ADAMTS2: variants seen among roughly 807,000 people sequenced by gnomAD.
ADAMTS2 encodes A disintegrin and metalloproteinase with thrombospondin motifs 2.
In ADAMTS2, 50 loss-of-function variants were observed where a neutral mutation model predicts 123.0. The ratio of observed to expected loss-of-function variants is 0.41; its 90% CI spans 0.32 to 0.51. The LOEUF (loss-of-function observed/expected upper bound fraction) is 0.51. Ranked by LOEUF, ADAMTS2 falls within the 20% of genes least tolerant of loss-of-function variation. ADAMTS2 has a pLI of 0.35. For missense variants in ADAMTS2, 1,494 were observed against 1,705.2 expected (o/e 0.88, Z 2.18); for synonymous variants, 678 against 695.4 (o/e 0.98, Z 0.39).
At chr5:179,140,626 T>G (rs540683914) in intron 10 of ADAMTS2, among the ~76,000 whole-genome samples, 1 of 152,168 alleles carries the variant, frequency 6.6e-6, no homozygotes. Flanking sequence ...AGAAGAAGAT[T>G]GCAAAATTAA....
intron 3 of ADAMTS2, among the ~76,000 whole-genome samples, chr5:179,257,735 C>G (rs1370131080): frequency 6.6e-6 from 1 of 152,198 alleles, no homozygotes; most frequent in Non-Finnish European, 1.5e-5. Flanking sequence ...CGAGGCAGCC[C>G]TGGCCACATC....
At chr5:179,201,752 A>T (rs969377151) in intron 4 of ADAMTS2, among the ~76,000 whole-genome samples, 2 of 152,120 alleles carry the variant, frequency 1.3e-5, no homozygotes, top group Non-Finnish European at 2.9e-5. Flanking sequence ...CAGTGAGCCA[A>T]GATCACACCA....
At chr5:179,193,891 G>A (rs146055231) in intron 4 of ADAMTS2, among the ~76,000 whole-genome samples, 1 of 152,300 alleles carries the variant, frequency 6.6e-6, no homozygotes, top group African/African-American at 2.4e-5. Context: ...GGCAGCCTGG[G>A]AGGGGCCTCA....
chr5:179,223,408 A>G (rs1335530111), intron 3 of ADAMTS2, among the ~76,000 whole-genome samples: 1 of 141,400 alleles, frequency 7.1e-6, no homozygotes, highest in Non-Finnish European at 1.5e-5. Context: ...ACACGCATGC[A>G]GTCACATACA....
chr5:179,299,530 AACACACACACAC>A (rs3986821), intron 2 of ADAMTS2, among the ~76,000 whole-genome samples: 2 of 120,440 alleles, frequency 1.7e-5, no homozygotes, highest in African/African-American at 6.3e-5. Context: ...CTCCAACTCA[AACACACACACAC>A]ACACACACAC....
In ADAMTS2 at chr5:179,223,962, T is replaced by C. The variant is rs561266737; in HGVS notation, c.689-16247A>G. Among the ~76,000 whole-genome samples the C allele has an allele frequency of 2.4e-3, 366 of 152,286 alleles. 3 individuals carry two copies. The highest frequency in any genetic ancestry group is 8.4e-3 in the African/African-American group (348 of 41,564). ...CATGGGGCTTGGCAAAATGAATAAA[T>C]AAACGGGCCAAAAACGCCTATTGGA... On this transcript the variant is annotated intron_variant, in intron 3 of 21. Coordinates refer to ENST00000251582, the MANE Select transcript of ADAMTS2 (RefSeq NM_014244.5).
chr5:179,164,281 G>A (rs1342652598), intron 5 of ADAMTS2, among the ~76,000 whole-genome samples: 4 of 152,230 alleles, frequency 2.6e-5, no homozygotes, highest in Admixed American at 2.0e-4. Context: ...GTACCCATGA[G>A]GCCCAGACAT....
At chr5:179,282,575 T>C (rs1021415693) in intron 2 of ADAMTS2, among the ~76,000 whole-genome samples, 4 of 152,244 alleles carry the variant, frequency 2.6e-5, no homozygotes, top group Non-Finnish European at 5.9e-5. Flanking sequence ...GCCCTTCCTC[T>C]GTTCTTCTCC....
chr5:179,235,733 C>T (rs899099229), intron 3 of ADAMTS2, among the ~76,000 whole-genome samples: 5 of 152,224 alleles, frequency 3.3e-5, no homozygotes, highest in Admixed American at 1.3e-4. Flanking sequence ...GAATCCAGTG[C>T]TGATGGTTGC....
intron 12 of ADAMTS2, 29 bp downstream of exon 12, chr5:179,137,740 C>A: frequency 6.5e-7 from 1 of 1,543,430 alleles, no homozygotes; most frequent in Admixed American, 1.9e-5. Flanking sequence ...CCTGCTGAGC[C>A]CCCACTGATG....
intron 2 of ADAMTS2, among the ~76,000 whole-genome samples, chr5:179,276,010 C>T (rs889029941): frequency 3.9e-5 from 6 of 152,128 alleles, no homozygotes; most frequent in East Asian, 1.9e-4. Flanking sequence ...AGGGCAAGAC[C>T]GAGGTCGGAG....
In ADAMTS2 at chr5:179,129,822, C is replaced by A; in HGVS notation, c.2457+110G>T. The A allele has an allele frequency of 6.9e-7, 1 of 1,448,210 alleles. No homozygotes were observed. The allele number at this position is 1,448,210 out of a possible 1,614,324, so 89.7% of individuals were successfully genotyped here. A position where few individuals can be genotyped will look rare whatever the true frequency, so the allele number is the denominator to read the frequency against. ...GGTGCCAAAGGCAGGCCAAAGGGGC[C>A]ACGCAGAGTGTCACCTGAAGGGTCA... On this transcript the variant is annotated intron_variant, in intron 16 of 21. Coordinates refer to ENST00000251582, the MANE Select transcript of ADAMTS2 (RefSeq NM_014244.5). This position sits in a 1 kb window ranked among gnomAD's most constrained non-coding sequence, Gnocchi z 4.1.
At chr5:179,142,324 C>T (rs907326645) in intron 10 of ADAMTS2, among the ~76,000 whole-genome samples, 49 of 152,100 alleles carry the variant, frequency 3.2e-4, no homozygotes, top group African/African-American at 1.1e-3. Flanking sequence ...AGAAGTGTTT[C>T]GGATTTCAGA....
Position 179,345,334 on chromosome 5 carries a change from C to T in ADAMTS2, c.-6G>A, listed in dbSNP as rs1757919871. ...GCTCCCGCCGGCGGATCCATGGCAG[C>T]CGGACTGCAGCCGGGGCCCCGCACT... On this transcript the variant is annotated 5_prime_UTR_variant, in exon 1 of 22. Coordinates refer to ENST00000251582, the MANE Select transcript of ADAMTS2 (RefSeq NM_014244.5). The surrounding 1 kb of genome is among the most constrained non-coding windows in gnomAD (Gnocchi z 7.5). 2.6e-6 allele frequency: 3 copies of T among 1,133,096 alleles called. No individual in the cohort carries two copies. The highest frequency in any genetic ancestry group is 4.5e-5 in the East Asian group (1 of 22,456). The allele number at this position is 1,133,096 out of a possible 1,614,324, so 70.2% of individuals were successfully genotyped here.
At chr5:179,149,489 C>A (rs1421139613) in intron 10 of ADAMTS2, among the ~76,000 whole-genome samples, 2 of 151,942 alleles carry the variant, frequency 1.3e-5, no homozygotes, top group Non-Finnish European at 2.9e-5. Context: ...GCGGCCGGGG[C>A]AGACTCTAAG....
chr5:179,289,820 C>A (rs1207096120), intron 2 of ADAMTS2, among the ~76,000 whole-genome samples: 1 of 152,164 alleles, frequency 6.6e-6, no homozygotes. Flanking sequence ...GACAGTCCTG[C>A]CAGAAACACG....
chr5:179,302,815 G>C (rs1255048857), intron 2 of ADAMTS2, among the ~76,000 whole-genome samples: 1 of 151,924 alleles, frequency 6.6e-6, no homozygotes, highest in African/African-American at 2.4e-5. Context: ...CTGGGGAAGT[G>C]GGCTCCAGCA....
intron 3 of ADAMTS2, among the ~76,000 whole-genome samples, chr5:179,211,988 AGAG>A (rs938143535): frequency 6.6e-6 from 1 of 152,232 alleles, no homozygotes; most frequent in Admixed American, 6.5e-5. Flanking sequence ...ACACCACCAG[AGAG>A]GAGGAGTGGG....
At chr5:179,244,685 G>A (rs1326369451) in intron 3 of ADAMTS2, among the ~76,000 whole-genome samples, 1 of 152,084 alleles carries the variant, frequency 6.6e-6, no homozygotes, top group Non-Finnish European at 1.5e-5. Flanking sequence ...GTATATAATT[G>A]TATTATTGGG....
Sources: allele counts gnomAD v4.1 joint callset (sites outside exome capture counted in the v4.1 genomes callset), GRCh38; gene constraint gnomAD v4.1.1; non-coding constraint Gnocchi (gnomAD v3.1); transcripts MANE v1.5; gene names NCBI Gene and HGNC (gene_info 2026-07-23, HGNC 2026-07-21).